The following TP73 variants were observed in gnomAD, a reference collection of about 807,000 sequenced individuals.
TP73 encodes tumor protein p73.
TP73 carries 25 observed loss-of-function variants against 62.5 expected under a neutral mutation model. The observed-to-expected ratio is 0.40, with a 90% CI of 0.29 to 0.56. TP73 has a LOEUF of 0.56. Ranked by LOEUF, TP73 falls within the 20% of genes least tolerant of loss-of-function variation. The pLI is 0.46. For missense variants in TP73, 754 were observed against 913.3 expected (o/e 0.83, Z 2.25); for synonymous variants, 423 against 377.5 (o/e 1.12, Z -1.40).
At chr1:3,715,177 G>A (rs994809931) in intron 4 of TP73, among the ~76,000 whole-genome samples, 11 of 152,198 alleles carry the variant, frequency 7.2e-5, no homozygotes, top group African/African-American at 2.4e-4. Flanking sequence ...ACCAGGGCAG[G>A]TGAGGCCCCT....
chr1:3,683,316 C>T, intron 3 of TP73, 136 bp downstream of exon 3: 1 of 1,131,224 alleles, frequency 8.8e-7, no homozygotes, highest in Non-Finnish European at 1.2e-6. Flanking sequence ...TCTGAGGACA[C>T]TTCAAATTGC....
At chr1:3,687,987 C>G (rs1273269783) in intron 3 of TP73, among the ~76,000 whole-genome samples, 1 of 152,148 alleles carries the variant, frequency 6.6e-6, no homozygotes, top group Non-Finnish European at 1.5e-5. Flanking sequence ...GAGGTATTCT[C>G]CCCAGGCCCA....
intron 12 of TP73, 146 bp downstream of exon 12, chr1:3,731,211 C>G: frequency 4.9e-6 from 6 of 1,225,662 alleles, no homozygotes; most frequent in Non-Finnish European, 6.7e-6. Context: ...GCAGTCAGGC[C>G]AGGAGCATCT....
intron 9 of TP73, among the ~76,000 whole-genome samples, chr1:3,728,992 A>AAGAAAGAGAG (rs1553147329): frequency 1.3e-5 from 2 of 150,718 alleles, no homozygotes; most frequent in Non-Finnish European, 3.0e-5. Flanking sequence ...TGTCGAAAGA[A>AAGAAAGAGAG]AGAGAGAGAG....
chr1:3,710,288 G>A lies in TP73; in HGVS notation c.429+2497G>A, dbSNP rs76619144. Among the ~76,000 whole-genome samples, 1,391 of 152,188 alleles carry A rather than the reference G, an allele frequency of 9.1e-3. 26 individuals are homozygous for A. Among genetic ancestry groups the A allele is most frequent in the African/African-American group, 0.032 (1,337 of 41,490 alleles). On this transcript the variant is annotated intron_variant, in intron 4 of 13. Coordinates refer to ENST00000378295, the MANE Select transcript of TP73 (RefSeq NM_005427.4). Reference sequence around the variant, plus strand: ...CCTCCGAAGCCCTGTGGATCCAGGGGGTGGGACAAACATTGATAATGAGAT... The same window carrying A: ...CCTCCGAAGCCCTGTGGATCCAGGGAGTGGGACAAACATTGATAATGAGAT...
chr1:3,721,718 T>C (rs936304042), intron 4 of TP73, among the ~76,000 whole-genome samples: 15 of 152,164 alleles, frequency 9.9e-5, no homozygotes, highest in Non-Finnish European at 1.6e-4. Context: ...CTGGCCTTTC[T>C]TGTCCCCATC....
At chr1:3,709,796 G>T (rs1171218444) in intron 4 of TP73, among the ~76,000 whole-genome samples, 6 of 152,200 alleles carry the variant, frequency 3.9e-5, no homozygotes, top group African/African-American at 1.4e-4. Context: ...TGGAGTCCTG[G>T]CAGGCAGCTT....
chr1:3,700,525 A>G (rs1197105561), intron 3 of TP73, among the ~76,000 whole-genome samples: 2 of 152,116 alleles, frequency 1.3e-5, no homozygotes, highest in East Asian at 3.9e-4. Context: ...AAATCACTCA[A>G]ATGCCCCACG....
chr1:3,698,960 C>T (rs753410318), intron 3 of TP73, among the ~76,000 whole-genome samples: 3 of 152,156 alleles, frequency 2.0e-5, no homozygotes, highest in Admixed American at 1.3e-4. Context: ...CGCGTTTCTC[C>T]GGTGTGAGGT....
At chr1:3,730,695 C>A (rs1642067800) in intron 11 of TP73, among the ~76,000 whole-genome samples, 1 of 152,186 alleles carries the variant, frequency 6.6e-6, no homozygotes, top group South Asian at 2.1e-4. Context: ...CCCTTACAAC[C>A]CAGTGCCCCG....
rs542559896 is a variant in TP73 at position 3,728,323 on chromosome 1, G to A, written c.1074+106G>A. On this transcript the variant is annotated intron_variant, in intron 9 of 13. Transcript: ENST00000378295. ...GGGACTCTGGAGACCATGGTGGAGG[G>A]GGCGGGAGGAGCCCAGCCCTGTGTG... 4 of 1,224,802 alleles carry A rather than the reference G, an allele frequency of 3.3e-6. No individual in the cohort carries two copies. The South Asian group carries it at 5.5e-5, about 17-fold the overall frequency. 75.9% of individuals were successfully genotyped at this position (1,224,802 alleles called of 1,614,324 possible).
At position 3,729,415 on chromosome 1, in the gene TP73, C is replaced by G. The variant is rs1294884182; in HGVS notation, c.1163C>G (p.Ser388Cys). ...TTGGTGCCGCAGCCACTGGTGGACT[C>G]CTATCGGCAGCAGCAGCAGCTCCTA... ...MELVPQPLVD[S>C]YRQQQQLLQR... The change falls in exon 10 of 14, where the codon TCC becomes TGC. Residue 388 changes from serine (S) to cysteine (C), a missense_variant. This residue lies in a region of TP73 where 458 missense variants were observed against 528.7 expected (regional missense o/e 0.87). Coordinates refer to ENST00000378295, the MANE Select transcript of TP73 (RefSeq NM_005427.4). 6.2e-7 allele frequency: 1 copy of G among 1,613,108 alleles called. No individual in the cohort carries two copies. The highest frequency in any genetic ancestry group is 2.2e-5 in the East Asian group (1 of 44,880).
chr1:3,675,292 T>C (rs1032162460), intron 1 of TP73, among the ~76,000 whole-genome samples: 2 of 139,548 alleles, frequency 1.4e-5, no homozygotes, highest in African/African-American at 5.4e-5. Context: ...CCTCCCACAA[T>C]GGCCCAGGTG....
intron 1 of TP73, among the ~76,000 whole-genome samples, chr1:3,669,541 GGGGGCTTCCC>G (rs1410685179): frequency 6.6e-6 from 1 of 152,340 alleles, no homozygotes; most frequent in East Asian, 1.9e-4. Context: ...TGGCACGTCC[GGGGGCTTCCC>G]GGCTGGGGGC....
At chr1:3,727,481 G>T in intron 7 of TP73, 147 bp from the exon 8 acceptor site, 1 of 1,220,336 alleles carries the variant, frequency 8.2e-7, no homozygotes, top group Non-Finnish European at 1.1e-6. Context: ...TCCCTCTAGC[G>T]GGAACACTCG....
chr1:3,714,977 C>T (rs973358078), intron 4 of TP73, among the ~76,000 whole-genome samples: 2 of 152,222 alleles, frequency 1.3e-5, no homozygotes, highest in Non-Finnish European at 2.9e-5. Flanking sequence ...ACAGGGCACC[C>T]GCACGCGGTC....
chr1:3,696,252 T>C lies in TP73; in HGVS notation c.187-11297T>C, dbSNP rs902469098. On this transcript the variant is annotated intron_variant, in intron 3 of 13. Transcript: ENST00000378295. This position sits in a 1 kb window ranked among gnomAD's most constrained non-coding sequence, Gnocchi z 4.1. ...ACCTTAGAGGAAGAGCAGGGGAGGA[T>C]TCCAGAAAGATGCTGAGGTTCCATT... 3.3e-5 allele frequency among the ~76,000 whole-genome samples: 5 copies of C among 151,916 alleles called. No individual in the cohort carries two copies. The highest frequency in any genetic ancestry group is 1.2e-4 in the African/African-American group (5 of 41,334).
chr1:3,687,026 G>A (rs1645675495), intron 3 of TP73, among the ~76,000 whole-genome samples: 1 of 152,198 alleles, frequency 6.6e-6, no homozygotes, highest in Non-Finnish European at 1.5e-5. Context: ...GAACAGCAGA[G>A]CCAGGAGGGC....
At chr1:3,713,957 AACCGC>A (rs1640376623) in intron 4 of TP73, among the ~76,000 whole-genome samples, 1 of 151,886 alleles carries the variant, frequency 6.6e-6, no homozygotes, top group South Asian at 2.1e-4. Flanking sequence ...CCCATGGGGA[AACCGC>A]ACAGGGGGAT....
Sources: allele counts gnomAD v4.1 joint callset (sites outside exome capture counted in the v4.1 genomes callset), GRCh38; gene constraint gnomAD v4.1.1; regional missense constraint gnomAD v4.1.1; non-coding constraint Gnocchi (gnomAD v3.1); transcripts MANE v1.5; gene names NCBI Gene and HGNC (gene_info 2026-07-23, HGNC 2026-07-21).